SDK1: variants seen among roughly 807,000 people sequenced by gnomAD.
The protein encoded by SDK1 is protein sidekick-1.
In SDK1, 157 loss-of-function variants were observed where a neutral mutation model predicts 245.5. That is an observed-to-expected ratio of 0.64 (90% CI 0.56 to 0.73). The LOEUF is 0.73. Among genes scored for constraint, SDK1 ranks in the 30% least tolerant of loss-of-function variants. The probability of loss-of-function intolerance (pLI) is 0.00; values close to 1 mark genes in which losing one functional copy is unlikely to be tolerated. For missense variants in SDK1, 3,583 were observed against 3,002.3 expected (o/e 1.19, Z -4.52); for synonymous variants, 1,647 against 1,278.5 (o/e 1.29, Z -6.15).
At chr7:3,548,323 T>A (rs1481723474) in intron 1 of SDK1, among the ~76,000 whole-genome samples, 1 of 152,160 alleles carries the variant, frequency 6.6e-6, no homozygotes, top group African/African-American at 2.4e-5. Flanking sequence ...AAAAATTAAT[T>A]CTAGATGAAT....
rs755552006 is a variant in SDK1, at chr7:4,161,873, TCA to T, written c.4800+19_4800+20del. The stretch of plus-strand genomic sequence containing the variant: ...CAGTGGCAGGTAAGAGCGCGGGGAA[TCA>T]CGCGCGTTTTGTCAAATGTGTTCTC... On this transcript the variant is annotated intron_variant, in intron 32 of 44. Coordinates refer to ENST00000404826, the MANE Select transcript of SDK1 (RefSeq NM_152744.4). 1.8e-5 allele frequency: 29 copies of T among 1,608,940 alleles called. No homozygotes were observed. The highest frequency in any genetic ancestry group is 2.2e-5 in the East Asian group (1 of 44,858).
intron 5 of SDK1, among the ~76,000 whole-genome samples, chr7:3,942,864 T>C (rs1780419380): frequency 1.3e-5 from 2 of 152,232 alleles, no homozygotes; most frequent in Non-Finnish European, 2.9e-5. Flanking sequence ...ATGTGGTTCA[T>C]GTTGCCCATG....
intron 4 of SDK1, among the ~76,000 whole-genome samples, chr7:3,752,627 T>C (rs1171616727): frequency 6.6e-6 from 1 of 152,206 alleles, no homozygotes; most frequent in Non-Finnish European, 1.5e-5. Context: ...CTAGCATGGA[T>C]TTACGTCATC....
At chr7:3,859,905 A>G (rs1392028701) in intron 5 of SDK1, among the ~76,000 whole-genome samples, 1 of 152,002 alleles carries the variant, frequency 6.6e-6, no homozygotes, top group Admixed American at 6.5e-5. Flanking sequence ...TTTTAAAGCA[A>G]CAAAAGAACT....
chr7:3,804,449 G>A (rs1460651077), intron 4 of SDK1, among the ~76,000 whole-genome samples: 2 of 152,096 alleles, frequency 1.3e-5, no homozygotes, highest in Non-Finnish European at 2.9e-5. Context: ...TGGCCTATTT[G>A]TCTTTTCCTT....
chr7:3,950,691 C>T (rs909111893), intron 5 of SDK1, among the ~76,000 whole-genome samples: 1 of 152,118 alleles, frequency 6.6e-6, no homozygotes, highest in African/African-American at 2.4e-5. Context: ...GCTTTTGTAG[C>T]CCCGTTGTAA....
chr7:4,114,399 C>G, intron 25 of SDK1, 125 bp downstream of exon 25: 2 of 747,844 alleles, frequency 2.7e-6, no homozygotes, highest in South Asian at 3.7e-5. Context: ...TGTCTTGGAG[C>G]TTTCCTAATC....
chr7:3,830,473 TTAAAG>T (rs1304571988), intron 5 of SDK1, among the ~76,000 whole-genome samples: 4 of 152,142 alleles, frequency 2.6e-5, no homozygotes, highest in Non-Finnish European at 5.9e-5. Context: ...GGGCTAGAAC[TTAAAG>T]TAACCCTAAT....
At chr7:4,194,864 G>A (rs553028334) in intron 35 of SDK1, among the ~76,000 whole-genome samples, 77 of 152,296 alleles carry the variant, frequency 5.1e-4, no homozygotes, top group South Asian at 3.7e-3. Context: ...TTGACACTCA[G>A]TATTAACCAT....
In SDK1 at chr7:3,567,555, C is replaced by T. The variant is rs1779965394; in HGVS notation, c.299-51525C>T. On this transcript the variant is annotated intron_variant, in intron 1 of 44. Transcript: ENST00000404826. ...AAATGGAAAAAAGGTAAATGAGGTACATGCTAGTCATTGCTAACAGATGAA... is the reference window on the plus strand; with the variant it reads ...AAATGGAAAAAAGGTAAATGAGGTATATGCTAGTCATTGCTAACAGATGAA... 2.6e-5 allele frequency among the ~76,000 whole-genome samples: 4 copies of T among 152,204 alleles called. No homozygotes were observed. The South Asian group carries it at 6.2e-4, about 24-fold the overall frequency.
intron 5 of SDK1, among the ~76,000 whole-genome samples, chr7:3,841,347 T>C (rs1315106360): frequency 1.3e-5 from 2 of 152,178 alleles, no homozygotes; most frequent in Non-Finnish European, 2.9e-5. Flanking sequence ...TGGATAATGA[T>C]TCTGTGTGAG....
chr7:3,335,719 T>C (rs1032076014), intron 1 of SDK1, among the ~76,000 whole-genome samples: 2 of 151,676 alleles, frequency 1.3e-5, no homozygotes, highest in African/African-American at 4.9e-5. Context: ...GAAGCAAAAA[T>C]GAAATGAATA....
chr7:3,366,726 A>C (rs1003380472), intron 1 of SDK1, among the ~76,000 whole-genome samples: 1 of 151,904 alleles, frequency 6.6e-6, no homozygotes, highest in African/African-American at 2.4e-5. Context: ...GATTTTTGAT[A>C]ATTATTGTTT....
chr7:3,977,340 G>T (rs1783021766), intron 13 of SDK1, among the ~76,000 whole-genome samples: 1 of 112,162 alleles, frequency 8.9e-6, no homozygotes, highest in Non-Finnish European at 2.0e-5. Context: ...GTCCTCCAGA[G>T]AATCACTGAG....
intron 1 of SDK1, among the ~76,000 whole-genome samples, chr7:3,537,297 A>G (rs1171408560): frequency 6.6e-6 from 1 of 152,108 alleles, no homozygotes; most frequent in Non-Finnish European, 1.5e-5. Flanking sequence ...TAAAATACCC[A>G]TTGTTCTTCT....
intron 22 of SDK1, among the ~76,000 whole-genome samples, chr7:4,090,261 T>G (rs559428899): frequency 3.3e-5 from 5 of 152,234 alleles, no homozygotes; most frequent in Non-Finnish European, 7.3e-5. Context: ...AAAAACCTCA[T>G]TTCTCTTTCC....
intron 19 of SDK1, among the ~76,000 whole-genome samples, chr7:4,056,433 T>C (rs555986985): frequency 6.6e-6 from 1 of 152,170 alleles, no homozygotes; most frequent in African/African-American, 2.4e-5. Flanking sequence ...ACACTTCAAA[T>C]AGATCCAAGA....
intron 1 of SDK1, among the ~76,000 whole-genome samples, chr7:3,433,356 G>T (rs1779923588): frequency 6.6e-6 from 1 of 152,214 alleles, no homozygotes; most frequent in Non-Finnish European, 1.5e-5. Context: ...CTCTTGAGAG[G>T]AGGGGTTGAA....
chr7:3,449,158 G>C (rs1029694897), intron 1 of SDK1, among the ~76,000 whole-genome samples: 1 of 152,180 alleles, frequency 6.6e-6, no homozygotes, highest in East Asian at 1.9e-4. Flanking sequence ...CTGTAGGAAT[G>C]GTTCTCCAAG....
Sources: allele counts gnomAD v4.1 joint callset (sites outside exome capture counted in the v4.1 genomes callset), GRCh38; gene constraint gnomAD v4.1.1; transcripts MANE v1.5; gene names NCBI Gene and HGNC (gene_info 2026-07-23, HGNC 2026-07-21).